Variants in DENND2A observed in about 807,000 individuals in gnomAD.
DENND2A encodes DENN domain-containing protein 2A.
Under a neutral mutation model 105.3 loss-of-function variants are expected in DENND2A, and 53 were observed. That is an observed-to-expected ratio of 0.50 (90% CI 0.40 to 0.63). The LOEUF is 0.63. DENND2A is among the 30% of genes least tolerant of loss of function. The pLI, the probability that DENND2A is intolerant of heterozygous loss-of-function variation, is 0.00. For missense variants in DENND2A, 1,138 were observed against 1,279.6 expected, an observed-to-expected ratio of 0.89 and a Z score of 1.69; for synonymous variants, 522 against 508.4, an observed-to-expected ratio of 1.03 and a Z score of -0.36.
At chr7:140,632,562 T>C (rs1465653822) in intron 1 of DENND2A, among the ~76,000 whole-genome samples, 1 of 152,260 alleles carries the variant, frequency 6.6e-6, no homozygotes, top group African/African-American at 2.4e-5. Flanking sequence ...AACAACTTAC[T>C]TTTAGTGCTT....
In DENND2A at chr7:140,618,955, C is replaced by T. The variant is rs552907750; in HGVS notation, c.-247-13149G>A. 5.8e-4 allele frequency among the ~76,000 whole-genome samples: 89 copies of T among 152,218 alleles called. 1 individual carries two copies. Among genetic ancestry groups the T allele is most frequent in the Non-Finnish European group, 8.8e-4 (60 of 68,010 alleles). On this transcript the variant is annotated intron_variant, in intron 1 of 19. Transcript: ENST00000496613. ...CTGGGACTATAGGCGCCCGCCTCCA[C>T]GCCCAGCTAATTTTTTGTATTTTTT...
At chr7:140,594,550 C>T (rs1799206151) in intron 3 of DENND2A, among the ~76,000 whole-genome samples, 1 of 152,218 alleles carries the variant, frequency 6.6e-6, no homozygotes, top group Non-Finnish European at 1.5e-5. Context: ...CAGGATTCCT[C>T]ACAGCACTGA....
chr7:140,557,992 G>T (rs1456468232), intron 11 of DENND2A, 151 bp downstream of exon 11: 5 of 612,444 alleles, frequency 8.2e-6, no homozygotes, highest in East Asian at 2.9e-5. Context: ...TTTTAACTAT[G>T]CTGATTCACC....
chr7:140,522,248 T>A, intron 17 of DENND2A, 148 bp from the exon 18 acceptor site: 1 of 974,340 alleles, frequency 1.0e-6, no homozygotes, highest in Non-Finnish European at 1.5e-6. Flanking sequence ...TTACCCAGGT[T>A]ATTAAGACAT....
rs114023627 is a variant in DENND2A at position 140,524,011 on chromosome 7, A to G, written c.2548-587T>C. On this transcript the variant is annotated intron_variant, in intron 16 of 19. Coordinates refer to ENST00000496613, the MANE Select transcript of DENND2A (RefSeq NM_015689.5). ...GGGCTTGGCACTGAGAGGATACTCAATAGATGATTTCCACTGCTCCATCCT... is the reference window on the plus strand; with the variant it reads ...GGGCTTGGCACTGAGAGGATACTCAGTAGATGATTTCCACTGCTCCATCCT... 4.8e-3 allele frequency among the ~76,000 whole-genome samples: 732 copies of G among 152,286 alleles called. 8 individuals are homozygous for G. Among genetic ancestry groups the G allele is most frequent in the African/African-American group, 0.017 (709 of 41,546 alleles).
intron 8 of DENND2A, 108 bp downstream of exon 8, chr7:140,568,655 A>G (rs1585653926): frequency 8.3e-7 from 1 of 1,204,476 alleles, no homozygotes; most frequent in Non-Finnish European, 1.2e-6. Context: ...ACGCCTTGCC[A>G]AGCAAGCTCC....
chr7:140,595,586 T>A (rs949907357), intron 3 of DENND2A, among the ~76,000 whole-genome samples: 1 of 151,914 alleles, frequency 6.6e-6, no homozygotes, highest in Non-Finnish European at 1.5e-5. Flanking sequence ...CTGGGCAACA[T>A]AGCAAAACCC....
intron 4 of DENND2A, 139 bp from the exon 5 acceptor site, chr7:140,585,849 C>T: frequency 8.1e-7 from 1 of 1,232,660 alleles, no homozygotes; most frequent in Non-Finnish European, 1.1e-6. Flanking sequence ...ATGCGCCCCT[C>T]CTGTTGGCAG....
chr7:140,557,564 G>T (rs1797427955), intron 11 of DENND2A, among the ~76,000 whole-genome samples: 1 of 60,236 alleles, frequency 1.7e-5, no homozygotes. Context: ...TTTTGAGACG[G>T]AGTTTCGCTC....
chr7:140,600,332 A>G (rs1323359312), intron 3 of DENND2A, among the ~76,000 whole-genome samples: 1 of 152,074 alleles, frequency 6.6e-6, no homozygotes, highest in Non-Finnish European at 1.5e-5. Context: ...ATTTAAAGCC[A>G]TGGGACTGGA....
Position 140,546,795 on chromosome 7 carries a change from T to A in DENND2A, c.2178+4A>T. The A allele has an allele frequency of 6.2e-7, 1 of 1,613,924 alleles. No homozygotes were observed. The highest frequency in any genetic ancestry group is 8.5e-7 in the Non-Finnish European group (1 of 1,179,896). On this transcript the variant is annotated splice_donor_region_variant and intron_variant, in intron 13 of 19. Transcript: ENST00000496613. The stretch of plus-strand genomic sequence containing the variant: ...AGGGAGAAGGAAGGAGTCTGACAAC[T>A]CACCTCAGTTCCTGAACCTGGCAGG...
intron 14 of DENND2A, chr7:140,543,534 A>G (rs750149812): frequency 6.6e-6 from 1 of 152,210 alleles, no homozygotes; most frequent in Non-Finnish European, 1.5e-5. Context: ...ACAGCAGTGC[A>G]AAACAGTGTG....
intron 1 of DENND2A, among the ~76,000 whole-genome samples, chr7:140,612,580 C>A (rs552619688): frequency 6.6e-6 from 1 of 151,796 alleles, no homozygotes. Flanking sequence ...CAGCTCACTG[C>A]AACCTCCACC....
chr7:140,598,822 A>T (rs1291851021), intron 3 of DENND2A, among the ~76,000 whole-genome samples: 2 of 152,222 alleles, frequency 1.3e-5, no homozygotes, highest in African/African-American at 2.4e-5. Context: ...TATTTAGAAC[A>T]TTCAGAAAAA....
At chr7:140,535,159 A>G (rs1387732348) in intron 14 of DENND2A, among the ~76,000 whole-genome samples, 6 of 152,180 alleles carry the variant, frequency 3.9e-5, no homozygotes, top group Non-Finnish European at 8.8e-5. Flanking sequence ...GCTACCAGAA[A>G]AGTAAATGAA....
At chr7:140,543,265 C>T (rs948195854) in intron 14 of DENND2A, among the ~76,000 whole-genome samples, 2 of 149,766 alleles carry the variant, frequency 1.3e-5, no homozygotes, top group South Asian at 2.1e-4. Flanking sequence ...ACTGTAGGCT[C>T]GAGCCACCAT....
At chr7:140,611,969 G>T (rs994941869) in intron 1 of DENND2A, among the ~76,000 whole-genome samples, 2 of 152,132 alleles carry the variant, frequency 1.3e-5, no homozygotes, top group East Asian at 3.9e-4. Context: ...GGCTGAGTGC[G>T]GTGGCTCACG....
chr7:140,590,026 C>G (rs140413334), intron 3 of DENND2A, among the ~76,000 whole-genome samples: 1,925 of 152,264 alleles, frequency 0.013, 30 homozygotes, highest in African/African-American at 0.042. Context: ...AATAACTGCC[C>G]TAACAACAGA....
rs1470484910 is a variant in DENND2A, at chr7:140,557,524, TATATATA to T, written c.1959+612_1959+618del. ...TTATTTTTTAGTATATATATATATA[TATATATA>T]TTTTTTTTTTTTTTTTTTTTTTTTT... On this transcript the variant is annotated intron_variant, in intron 11 of 19. Coordinates refer to ENST00000496613, the MANE Select transcript of DENND2A (RefSeq NM_015689.5). Among the ~76,000 whole-genome samples the T allele has an allele frequency of 1.9e-3, 59 of 31,350 alleles. 1 individual carries two copies. Among genetic ancestry groups the T allele is most frequent in the African/African-American group, 2.8e-3 (37 of 13,038 alleles). The allele number at this position is 31,350 out of a possible 152,430, so 20.6% of individuals were successfully genotyped here.
Sources: allele counts gnomAD v4.1 joint callset (sites outside exome capture counted in the v4.1 genomes callset), GRCh38; gene constraint gnomAD v4.1.1; transcripts MANE v1.5; gene names NCBI Gene and HGNC (gene_info 2026-07-23, HGNC 2026-07-21).